GALNTL6: variants seen among roughly 807,000 people sequenced by gnomAD.
The protein encoded by GALNTL6 is polypeptide N-acetylgalactosaminyltransferase like 6, also known as polypeptide N-acetylgalactosaminyltransferase-like 6.
A neutral mutation model predicts 73.7 loss-of-function variants in GALNTL6; 46 were observed. That is an observed-to-expected ratio of 0.62 (90% CI 0.49 to 0.80). The LOEUF (loss-of-function observed/expected upper bound fraction) is 0.80, where lower values mean the gene tolerates loss of function less well. Ranked by LOEUF, GALNTL6 falls within the 30% of genes least tolerant of loss-of-function variation. The pLI, the probability that GALNTL6 is intolerant of heterozygous loss-of-function variation, is 0.00. For synonymous variants in GALNTL6, 259 were observed against 263.7 expected (o/e 0.98, Z 0.17); for missense variants, 604 against 755.0 (o/e 0.80, Z 2.34).
intron 2 of GALNTL6, among the ~76,000 whole-genome samples, chr4:172,177,264 AT>A (rs750907097): frequency 1.1e-4 from 16 of 152,194 alleles, no homozygotes; most frequent in Non-Finnish European, 2.1e-4. Flanking sequence ...TGAAATGAAC[AT>A]TTAATAAAAA....
chr4:172,721,871 T>C (rs904955558), intron 5 of GALNTL6, among the ~76,000 whole-genome samples: 1 of 152,178 alleles, frequency 6.6e-6, no homozygotes, highest in Non-Finnish European at 1.5e-5. Flanking sequence ...GTAGGGATAA[T>C]GAACTTGTGT....
intron 5 of GALNTL6, among the ~76,000 whole-genome samples, chr4:172,517,633 A>G (rs1734651852): frequency 6.6e-6 from 1 of 152,120 alleles, no homozygotes; most frequent in South Asian, 2.1e-4. Flanking sequence ...TTTTTAAACT[A>G]TATCCTTTCT....
intron 5 of GALNTL6, among the ~76,000 whole-genome samples, chr4:172,595,635 G>A (rs6839760): frequency 0.52 from 79,699 of 152,036 alleles, 21,708 homozygotes; most frequent in East Asian, 0.77. Flanking sequence ...GTAACAAAGT[G>A]AAATTCACAA....
At chr4:172,997,213 A>T (rs541993155) in intron 10 of GALNTL6, among the ~76,000 whole-genome samples, 2 of 152,164 alleles carry the variant, frequency 1.3e-5, no homozygotes, top group African/African-American at 2.4e-5. Context: ...GTTGCCACAG[A>T]TTTAACGCCT....
chr4:172,177,405 T>A (rs553521748), intron 2 of GALNTL6, among the ~76,000 whole-genome samples: 5 of 152,072 alleles, frequency 3.3e-5, no homozygotes, highest in Admixed American at 2.6e-4. Flanking sequence ...ATAGAAGAAA[T>A]GATTTAACCC....
intron 2 of GALNTL6, among the ~76,000 whole-genome samples, chr4:172,132,348 T>C (rs760878524): frequency 6.6e-5 from 10 of 152,174 alleles, no homozygotes; most frequent in Non-Finnish European, 1.5e-4. Context: ...AACACATGAA[T>C]TTTGTATTTC....
chr4:172,868,582 A>G (rs772785735), intron 7 of GALNTL6, among the ~76,000 whole-genome samples: 1 of 152,212 alleles, frequency 6.6e-6, no homozygotes, highest in Non-Finnish European at 1.5e-5. Flanking sequence ...TTACTAGGGC[A>G]AGTAGAAATG....
chr4:171,831,632 G>T (rs1224851544), intron 2 of GALNTL6, among the ~76,000 whole-genome samples: 1 of 151,788 alleles, frequency 6.6e-6, no homozygotes, highest in Non-Finnish European at 1.5e-5. Context: ...AGGTTTATTG[G>T]CTAGATTTAA....
intron 5 of GALNTL6, among the ~76,000 whole-genome samples, chr4:172,577,356 T>G (rs181934913): frequency 2.2e-4 from 33 of 152,332 alleles, no homozygotes; most frequent in African/African-American, 7.7e-4. Context: ...CTTATCAGTT[T>G]GTTCCCTTCG....
chr4:172,386,921 A>G (rs1410313052), intron 5 of GALNTL6, among the ~76,000 whole-genome samples: 3 of 152,156 alleles, frequency 2.0e-5, no homozygotes, highest in African/African-American at 4.8e-5. Context: ...GAGAAGCCCA[A>G]CCATTCCAAT....
rs4048464 is a variant in GALNTL6, at chr4:172,443,121, CATATATATATATATATAT to C, written c.553+94457_553+94474del. Among the ~76,000 whole-genome samples, 242 of 52,022 alleles carry C rather than the reference CATATATATATATATATAT, an allele frequency of 4.7e-3. 1 individual carries two copies. The highest frequency in any genetic ancestry group is 8.7e-3 in the Admixed American group (24 of 2,772). 34.1% of individuals were successfully genotyped at this position (52,022 alleles called of 152,430 possible). On this transcript the variant is annotated intron_variant, in intron 5 of 12. Transcript: ENST00000506823. Reference sequence around the variant, plus strand: ...GAAATCACCAGTAATGATCCATATACATATATATATATATATATATATATATATATATATATATATATT... The same window carrying C: ...GAAATCACCAGTAATGATCCATATACATATATATATATATATATATATATT...
intron 7 of GALNTL6, among the ~76,000 whole-genome samples, chr4:172,874,361 C>A (rs948570859): frequency 2.0e-5 from 3 of 152,120 alleles, no homozygotes; most frequent in Non-Finnish European, 2.9e-5. Flanking sequence ...AGATGGGATG[C>A]AGAAGCTAAA....
intron 4 of GALNTL6, among the ~76,000 whole-genome samples, chr4:172,330,821 T>C (rs1283595155): frequency 6.6e-6 from 1 of 152,180 alleles, no homozygotes; most frequent in African/African-American, 2.4e-5. Context: ...TTAGGCCTCT[T>C]GAAGTTGACC....
chr4:172,774,258 G>A (rs950704991), intron 5 of GALNTL6, among the ~76,000 whole-genome samples: 10 of 152,130 alleles, frequency 6.6e-5, no homozygotes, highest in African/African-American at 2.2e-4. Context: ...TTGAGAAGAC[G>A]TTCTGTGTCT....
chr4:172,745,980 C>G (rs1252291285), intron 5 of GALNTL6, among the ~76,000 whole-genome samples: 1 of 151,998 alleles, frequency 6.6e-6, no homozygotes, highest in African/African-American at 2.4e-5. Context: ...CTGCTGCTTA[C>G]CAATCATGTT....
intron 12 of GALNTL6, among the ~76,000 whole-genome samples, chr4:173,025,526 G>C (rs973386459): frequency 6.6e-6 from 1 of 152,062 alleles, no homozygotes; most frequent in Non-Finnish European, 1.5e-5. Context: ...TTACCCCTGG[G>C]TTATTGCAAT....
At chr4:172,624,188 C>G (rs962594920) in intron 5 of GALNTL6, among the ~76,000 whole-genome samples, 1 of 151,986 alleles carries the variant, frequency 6.6e-6, no homozygotes, top group South Asian at 2.1e-4. Context: ...AATTTAAGTT[C>G]TTTTTTCTTT....
intron 10 of GALNTL6, among the ~76,000 whole-genome samples, chr4:172,995,095 T>G (rs957129098): frequency 6.6e-6 from 1 of 152,210 alleles, no homozygotes; most frequent in Non-Finnish European, 1.5e-5. Flanking sequence ...AAGTGGCTTT[T>G]CATGATTGTA....
intron 5 of GALNTL6, among the ~76,000 whole-genome samples, chr4:172,428,381 A>C (rs962621980): frequency 6.6e-6 from 1 of 152,176 alleles, no homozygotes; most frequent in Non-Finnish European, 1.5e-5. Context: ...ACTGACAACT[A>C]TTTACTTGAA....
Sources: gnomAD v4.1 joint callset for allele counts (sites outside exome capture counted in the v4.1 genomes callset) on GRCh38, gnomAD v4.1.1 for gene constraint, MANE v1.5 for transcripts, NCBI Gene and HGNC (gene_info 2026-07-23, HGNC 2026-07-21) for gene names.